Variants in IMMP1L observed in about 807,000 individuals in gnomAD.
IMMP1L encodes the protein mitochondrial inner membrane protease subunit 1.
Under a neutral mutation model 21.8 loss-of-function variants are expected in IMMP1L, and 24 were observed. The observed-to-expected ratio is 1.10, with a 90% confidence interval of 0.80 to 1.55. The LOEUF is 1.55. Ranked by LOEUF, IMMP1L falls within the 40% of genes most tolerant of loss-of-function variation. The pLI, the probability that IMMP1L is intolerant of heterozygous loss-of-function variation, is 0.00. For missense variants in IMMP1L, 195 were observed against 200.7 expected (o/e 0.97, Z 0.17); for synonymous variants, 46 against 62.8 (o/e 0.73, Z 1.26).
intron 4 of IMMP1L, among the ~76,000 whole-genome samples, chr11:31,441,203 TA>T (rs559877081): frequency 6.6e-5 from 10 of 152,098 alleles, no homozygotes; most frequent in Non-Finnish European, 1.5e-4. Context: ...ATGTGTGTCT[TA>T]AAATACAAAC....
At chr11:31,451,194 G>C (rs1953742641) in intron 4 of IMMP1L, among the ~76,000 whole-genome samples, 1 of 152,116 alleles carries the variant, frequency 6.6e-6, no homozygotes, top group South Asian at 2.1e-4. Context: ...GGCTTTTACT[G>C]TAAGTGAGAT....
intron 1 of IMMP1L, among the ~76,000 whole-genome samples, chr11:31,466,130 T>C (rs989176047): frequency 2.0e-5 from 3 of 151,922 alleles, no homozygotes; most frequent in Non-Finnish European, 2.9e-5. Context: ...AAAGAAAACA[T>C]AGAAATGGCC....
chr11:31,473,754 A>C, intron 1 of IMMP1L: 1 of 985,356 alleles, frequency 1.0e-6, no homozygotes, highest in Non-Finnish European at 1.2e-6. Flanking sequence ...AGTCACAAGA[A>C]GTTGTCCACC....
intron 1 of IMMP1L, among the ~76,000 whole-genome samples, chr11:31,467,149 A>C (rs1421063022): frequency 6.6e-6 from 1 of 152,178 alleles, no homozygotes; most frequent in Non-Finnish European, 1.5e-5. Context: ...AAGTGAGCAA[A>C]TATTTAAGTC....
At chr11:31,461,055 A>G (rs1954123609) in intron 2 of IMMP1L, among the ~76,000 whole-genome samples, 2 of 152,348 alleles carry the variant, frequency 1.3e-5, no homozygotes, top group South Asian at 4.1e-4. Context: ...CAAAGCCAAG[A>G]ACAATGTTTG....
At chr11:31,457,445 C>T (rs1953985076) in intron 3 of IMMP1L, among the ~76,000 whole-genome samples, 2 of 152,118 alleles carry the variant, frequency 1.3e-5, no homozygotes, top group African/African-American at 4.8e-5. Context: ...GACTAACACA[C>T]GTTTAAAAGG....
intron 1 of IMMP1L, among the ~76,000 whole-genome samples, chr11:31,495,062 C>A (rs1193622050): frequency 6.6e-6 from 1 of 152,224 alleles, no homozygotes; most frequent in Non-Finnish European, 1.5e-5. Flanking sequence ...ATCTCCAGGG[C>A]AGTGGCAAAA....
At chr11:31,458,834 GTTAT>G (rs1399162897) in intron 3 of IMMP1L, among the ~76,000 whole-genome samples, 4 of 152,156 alleles carry the variant, frequency 2.6e-5, no homozygotes, top group African/African-American at 9.7e-5. Flanking sequence ...ACTGAATGTA[GTTAT>G]TTGTTTCACT....
At chr11:31,467,107 T>C (rs1954383318) in intron 1 of IMMP1L, among the ~76,000 whole-genome samples, 2 of 152,102 alleles carry the variant, frequency 1.3e-5, no homozygotes, top group African/African-American at 4.8e-5. Context: ...TAGTTGTTGG[T>C]TGTAGTATTT....
intron 1 of IMMP1L, among the ~76,000 whole-genome samples, chr11:31,487,482 A>G (rs974209086): frequency 2.6e-5 from 4 of 152,148 alleles, no homozygotes; most frequent in African/African-American, 4.8e-5. Context: ...CACATTTTAA[A>G]ATAATTTTGG....
intron 4 of IMMP1L, chr11:31,452,690 C>T (rs1953796204): frequency 2.0e-6 from 2 of 1,003,954 alleles, no homozygotes; most frequent in South Asian, 4.2e-5. Flanking sequence ...CATACATAAC[C>T]CCAGGAAAGA....
At chr11:31,479,255 CATTT>C (rs1214446256) in intron 1 of IMMP1L, among the ~76,000 whole-genome samples, 2 of 152,052 alleles carry the variant, frequency 1.3e-5, no homozygotes. Flanking sequence ...GAACACTCCA[CATTT>C]ATTACATTAG....
chr11:31,447,445 CA>C (rs1263755791), intron 4 of IMMP1L, among the ~76,000 whole-genome samples: 1 of 152,196 alleles, frequency 6.6e-6, no homozygotes, highest in African/African-American at 2.4e-5. Flanking sequence ...CTTTAGACAA[CA>C]GAAGGTTTCT....
chr11:31,464,806 A>AAT (rs1389067956), intron 1 of IMMP1L, among the ~76,000 whole-genome samples: 1 of 152,132 alleles, frequency 6.6e-6, no homozygotes, highest in Non-Finnish European at 1.5e-5. Flanking sequence ...AATAAAAGGC[A>AAT]ATATATGACA....
chr11:31,488,386 T>G (rs1955151665), intron 1 of IMMP1L: 1 of 152,054 alleles, frequency 6.6e-6, no homozygotes, highest in African/African-American at 2.4e-5. Context: ...ATTCAGGAAT[T>G]TTATGACGCT....
intron 5 of IMMP1L, among the ~76,000 whole-genome samples, chr11:31,432,921 T>C (rs1202255771): frequency 6.6e-6 from 1 of 152,210 alleles, no homozygotes; most frequent in African/African-American, 2.4e-5. Context: ...TACTTGAATA[T>C]GGCATCTGTT....
At chr11:31,469,297 A>C (rs1023807654) in intron 1 of IMMP1L, among the ~76,000 whole-genome samples, 3 of 152,156 alleles carry the variant, frequency 2.0e-5, no homozygotes, top group African/African-American at 7.2e-5. Context: ...AGAGAGCAAC[A>C]GGTGATTCAG....
At chr11:31,501,247 G>A (rs1396513042) in intron 1 of IMMP1L, among the ~76,000 whole-genome samples, 2 of 152,144 alleles carry the variant, frequency 1.3e-5, no homozygotes, top group Non-Finnish European at 2.9e-5. Context: ...ACATACCTAA[G>A]TGCTACAGTC....
At chr11:31,463,146 G>A in intron 2 of IMMP1L, 26 bp downstream of exon 2, 1 of 1,549,986 alleles carries the variant, frequency 6.5e-7, no homozygotes, top group South Asian at 1.2e-5. Flanking sequence ...TATTTAAGAT[G>A]AATATTCTTG....
Sources: gnomAD v4.1 joint callset for allele counts (sites outside exome capture counted in the v4.1 genomes callset) on GRCh38, gnomAD v4.1.1 for gene constraint, MANE v1.5 for transcripts, NCBI Gene and HGNC (gene_info 2026-07-23, HGNC 2026-07-21) for gene names.